SYCP2L: variants seen among roughly 807,000 people sequenced by gnomAD.
SYCP2L encodes synaptonemal complex protein 2 like, also known as synaptonemal complex protein 2-like.
Under a neutral mutation model 125.8 loss-of-function variants are expected in SYCP2L, and 98 were observed. That is an observed-to-expected ratio of 0.78 (90% CI 0.66 to 0.92). SYCP2L has a LOEUF of 0.92. Ranked by LOEUF, SYCP2L falls within the 40% of genes least tolerant of loss-of-function variation. SYCP2L has a pLI of 0.00. For synonymous variants in SYCP2L, 317 were observed against 325.4 expected (o/e 0.97, Z 0.28); for missense variants, 842 against 936.4 (o/e 0.90, Z 1.32).
chr6:10,902,857 C>T lies in SYCP2L; in HGVS notation c.553-18C>T. On this transcript the variant is annotated intron_variant, in intron 7 of 29. Coordinates refer to ENST00000283141, the MANE Select transcript of SYCP2L (RefSeq NM_001040274.3). ...TGTTTTCTTTCTTCTCCATGAATGT[C>T]TTCTCAATTCCAAAAAGGGCTTGAA... is the stretch of plus-strand genomic sequence containing the variant. 1 of 1,613,624 alleles carries T rather than the reference C, an allele frequency of 6.2e-7. No individual in the cohort carries two copies. Among genetic ancestry groups the T allele is most frequent in the Non-Finnish European group, 8.5e-7 (1 of 1,179,674 alleles).
intron 2 of SYCP2L, 34 bp from the exon 3 acceptor site, chr6:10,893,833 G>A (rs1780212821): frequency 1.3e-6 from 2 of 1,596,484 alleles, no homozygotes; most frequent in African/African-American, 1.4e-5. Context: ...ATGTTCTTGG[G>A]GAAAAAGTAA....
At chr6:10,942,789 T>C (rs1467606610) in intron 23 of SYCP2L, 43 bp downstream of exon 23, 2 of 1,534,722 alleles carry the variant, frequency 1.3e-6, no homozygotes, top group Non-Finnish European at 1.8e-6. Context: ...CAGAATAAAA[T>C]GAAATTAATC....
At position 10,893,951 on chromosome 6, in the gene SYCP2L, C is replaced by A. The variant is rs369740964; in HGVS notation, c.163C>A (p.Pro55Thr). ...EYFQQKESHF[P>T]QKYNRLLLYR... ...CTTTCAACAGAAAGAGAGCCACTTTCCTCAAAAATATAATCGTCTTCTATT... is the reference window on the plus strand; with the variant it reads ...CTTTCAACAGAAAGAGAGCCACTTTACTCAAAAATATAATCGTCTTCTATT... The change falls in exon 3 of 30, where the codon CCT becomes ACT. Residue 55 changes from proline (P) to threonine (T), a missense_variant. Transcript: ENST00000283141. The A allele has an allele frequency of 6.2e-7, 1 of 1,612,132 alleles. No homozygotes were observed. Among genetic ancestry groups the A allele is most frequent in the African/African-American group, 1.3e-5 (1 of 74,794 alleles).
At chr6:10,911,853 A>C (rs1463552278) in intron 12 of SYCP2L, among the ~76,000 whole-genome samples, 1 of 148,392 alleles carries the variant, frequency 6.7e-6, no homozygotes, top group African/African-American at 2.5e-5. Context: ...GGATTGTAGA[A>C]TAGTAAGTCT....
At chr6:10,931,531 A>G (rs954344465) in intron 20 of SYCP2L, 42 bp downstream of exon 20, 1 of 1,572,946 alleles carries the variant, frequency 6.4e-7, no homozygotes, top group African/African-American at 1.4e-5. Context: ...CCTGTGAGTT[A>G]AACTGCATTT....
At chr6:10,969,203 C>T (rs1468126131) in intron 29 of SYCP2L, among the ~76,000 whole-genome samples, 1 of 152,020 alleles carries the variant, frequency 6.6e-6, no homozygotes. Context: ...TTCTATTTAC[C>T]TTGAAGAGTA....
At chr6:10,931,373 G>C in intron 19 of SYCP2L, 67 bp from the exon 20 acceptor site, 1 of 1,493,728 alleles carries the variant, frequency 6.7e-7, no homozygotes, top group Non-Finnish European at 9.3e-7. Flanking sequence ...ATTGGGAGAC[G>C]GAGTAGAGAA....
intron 26 of SYCP2L, among the ~76,000 whole-genome samples, chr6:10,960,281 G>T (rs1781573570): frequency 6.6e-6 from 1 of 152,130 alleles, no homozygotes. Context: ...TTCAAAGTCT[G>T]GTGTGCATGC....
chr6:10,972,423 G>A (rs184585255), intron 29 of SYCP2L, among the ~76,000 whole-genome samples: 4 of 152,318 alleles, frequency 2.6e-5, no homozygotes, highest in Non-Finnish European at 4.4e-5. Flanking sequence ...GGACTCTGGC[G>A]GCTAAACCAA....
At chr6:10,890,218 G>T (rs1253539277) in intron 1 of SYCP2L, among the ~76,000 whole-genome samples, 4 of 152,126 alleles carry the variant, frequency 2.6e-5, no homozygotes, top group African/African-American at 9.7e-5. Context: ...TTTTCTTTTG[G>T]ATATATCTCC....
chr6:10,911,595 C>G lies in SYCP2L; in HGVS notation c.918+726C>G, dbSNP rs116854640. Among the ~76,000 whole-genome samples, 133 of 152,276 alleles carry G rather than the reference C, an allele frequency of 8.7e-4. 2 individuals carry two copies. In the East Asian group the frequency reaches 0.019, roughly 22 times the overall value. ...TAGAACTGAGTCTGGTAGGCTGATT[C>G]TTGTGTCTCAATTCTGTGTATTTTC... On this transcript the variant is annotated intron_variant, in intron 12 of 29. Coordinates refer to ENST00000283141, the MANE Select transcript of SYCP2L (RefSeq NM_001040274.3).
chr6:10,944,408 A>T (rs115179647), intron 23 of SYCP2L, among the ~76,000 whole-genome samples: 2,230 of 152,314 alleles, frequency 0.015, 54 homozygotes, highest in African/African-American at 0.051. Context: ...CATTCTGGAC[A>T]CTTGTCCTTG....
chr6:10,967,467 G>GTGTGTGTGTGTGTGTGTA (rs1781702325), intron 29 of SYCP2L, among the ~76,000 whole-genome samples: 1 of 147,146 alleles, frequency 6.8e-6, no homozygotes, highest in Non-Finnish European at 1.5e-5. Context: ...GTGTGTGTGT[G>GTGTGTGTGTGTGTGTGTA]TGTGTGTGTG....
rs551916223 is a variant in SYCP2L at position 10,962,217 on chromosome 6, G to A, written c.2414+659G>A. ...AGCTTTATCTTCCAATTGAGAATCA[G>A]CTGCTTTCACAGAAATTTAAGGCAC... is the stretch of plus-strand genomic sequence containing the variant. On this transcript the variant is annotated intron_variant, in intron 28 of 29. Transcript: ENST00000283141. Among the ~76,000 whole-genome samples the A allele has an allele frequency of 1.1e-3, 168 of 148,222 alleles. 2 individuals carry two copies. The highest frequency in any genetic ancestry group is 9.9e-4 in the Non-Finnish European group (67 of 67,952).
chr6:10,893,084 C>T (rs969868734), intron 2 of SYCP2L, among the ~76,000 whole-genome samples: 1 of 151,568 alleles, frequency 6.6e-6, no homozygotes, highest in Non-Finnish European at 1.5e-5. Flanking sequence ...CTCGACTCAC[C>T]GCAACCTCCG....
chr6:10,955,033 A>T (rs578182616), intron 23 of SYCP2L, 83 bp from the exon 24 acceptor site: 4 of 905,966 alleles, frequency 4.4e-6, no homozygotes, highest in South Asian at 1.5e-5. Context: ...TTCAGATGGT[A>T]CTCTTCACAG....
chr6:10,904,357 G>A lies in SYCP2L; in HGVS notation c.641+1394G>A, dbSNP rs1051820446. Among the ~76,000 whole-genome samples, 9 of 152,326 alleles carry A rather than the reference G, an allele frequency of 5.9e-5. No homozygotes were observed. In the South Asian group the frequency reaches 1.0e-3, roughly 18 times the overall value. On this transcript the variant is annotated intron_variant, in intron 8 of 29. Transcript: ENST00000283141. ...ACGACTGCGCTAACAACCAGCCAGC[G>A]CGGAGGACATCATGGTGGCACATTA... is the stretch of plus-strand genomic sequence containing the variant.
intron 4 of SYCP2L, 62 bp from the exon 5 acceptor site, chr6:10,897,949 G>T: frequency 9.5e-7 from 1 of 1,053,076 alleles, no homozygotes. Context: ...ATTGTCTTGT[G>T]CAATTTTATT....
At chr6:10,973,257 G>A (rs1242560670) in intron 29 of SYCP2L, among the ~76,000 whole-genome samples, 1 of 152,192 alleles carries the variant, frequency 6.6e-6, no homozygotes, top group Non-Finnish European at 1.5e-5. Flanking sequence ...GATAGGTGGG[G>A]CATGGTGGCT....
Sources: gnomAD v4.1 joint callset for allele counts (sites outside exome capture counted in the v4.1 genomes callset) on GRCh38, gnomAD v4.1.1 for gene constraint, MANE v1.5 for transcripts, NCBI Gene and HGNC (gene_info 2026-07-23, HGNC 2026-07-21) for gene names.